The following PIGN variants were observed in gnomAD, a reference collection of about 807,000 sequenced individuals.
PIGN encodes GPI ethanolamine phosphate transferase 1.
A neutral mutation model predicts 125.4 loss-of-function variants in PIGN; 117 were observed. The ratio of observed to expected loss-of-function variants is 0.93; its 90% confidence interval spans 0.80 to 1.09. PIGN has a LOEUF of 1.09. Among genes scored for constraint, PIGN ranks in the 50% least tolerant of loss-of-function variants. PIGN has a pLI of 0.00. For missense variants in PIGN, 1,075 were observed against 1,094.9 expected (o/e 0.98, Z 0.26); for synonymous variants, 392 against 377.8 (o/e 1.04, Z -0.44).
In PIGN at chr18:62,057,347, C is replaced by T. The variant is rs117370156; in HGVS notation, c.2673-11368G>A. 9.8e-5 allele frequency among the ~76,000 whole-genome samples: 15 copies of T among 152,322 alleles called. No homozygotes were observed. The East Asian group carries it at 2.1e-3, about 22-fold the overall frequency. ...AGATTTCTGCAATGGCTTTCCTAGTCACTCAGTTACTCAAGATTAAAAAAC... is the reference window on the plus strand; with the variant it reads ...AGATTTCTGCAATGGCTTTCCTAGTTACTCAGTTACTCAAGATTAAAAAAC... On this transcript the variant is annotated intron_variant, in intron 30 of 30. Transcript: ENST00000640252.
At chr18:62,126,178 A>G (rs2146895575) in intron 14 of PIGN, among the ~76,000 whole-genome samples, 1 of 152,204 alleles carries the variant, frequency 6.6e-6, no homozygotes, top group East Asian at 1.9e-4. Context: ...TATTATATAT[A>G]TCACAAAATA....
intron 14 of PIGN, among the ~76,000 whole-genome samples, chr18:62,119,928 A>G (rs537481774): frequency 2.0e-5 from 3 of 152,204 alleles, no homozygotes; most frequent in Non-Finnish European, 4.4e-5. Flanking sequence ...AAGACAGAAA[A>G]ATACTAAAAA....
intron 22 of PIGN, among the ~76,000 whole-genome samples, chr18:62,099,197 A>G (rs1367665084): frequency 6.6e-6 from 1 of 152,052 alleles, no homozygotes; most frequent in Non-Finnish European, 1.5e-5. Flanking sequence ...AGAATACAGG[A>G]ACTAATCTTA....
chr18:62,130,067 G>A (rs1243637503), intron 14 of PIGN, among the ~76,000 whole-genome samples: 12 of 152,116 alleles, frequency 7.9e-5, no homozygotes, highest in African/African-American at 2.4e-4. Context: ...CAAGGAAACC[G>A]AGGATTGCTT....
chr18:62,060,322 G>GA (rs1184312369), intron 30 of PIGN, among the ~76,000 whole-genome samples: 1 of 152,214 alleles, frequency 6.6e-6, no homozygotes, highest in Non-Finnish European at 1.5e-5. Flanking sequence ...TCGAGGGGAA[G>GA]AGCGTATGTG....
intron 1 of PIGN, among the ~76,000 whole-genome samples, chr18:62,167,008 G>A (rs776771127): frequency 6.6e-6 from 1 of 152,180 alleles, no homozygotes; most frequent in Non-Finnish European, 1.5e-5. Flanking sequence ...CATGGCACAT[G>A]TATACCTACG....
intron 14 of PIGN, among the ~76,000 whole-genome samples, chr18:62,127,946 T>G (rs570004830): frequency 6.6e-6 from 1 of 152,190 alleles, no homozygotes; most frequent in East Asian, 1.9e-4. Flanking sequence ...CATGGTGCTA[T>G]TTTCCCAACA....
intron 1 of PIGN, among the ~76,000 whole-genome samples, chr18:62,185,307 AT>A (rs1175654722): frequency 1.3e-5 from 2 of 152,004 alleles, no homozygotes; most frequent in African/African-American, 4.8e-5. Flanking sequence ...ATTTGGGGGG[AT>A]TTTTTTCCCC....
At chr18:62,153,424 C>T (rs2036608834) in intron 7 of PIGN, 1 of 152,078 alleles carries the variant, frequency 6.6e-6, no homozygotes, top group African/African-American at 2.4e-5. Context: ...GGAAGAAAGA[C>T]ATGAAAATCA....
chr18:62,179,789 C>CA (rs1255149150), intron 1 of PIGN, among the ~76,000 whole-genome samples: 1 of 152,056 alleles, frequency 6.6e-6, no homozygotes, highest in African/African-American at 2.4e-5. Context: ...ATCTGTCATT[C>CA]TACAAGATTA....
chr18:62,159,041 C>T (rs1336993755), intron 4 of PIGN, among the ~76,000 whole-genome samples: 1 of 152,110 alleles, frequency 6.6e-6, no homozygotes, highest in African/African-American at 2.4e-5. Context: ...GTCAGGAGTT[C>T]GAAACCAGCC....
intron 28 of PIGN, among the ~76,000 whole-genome samples, chr18:62,076,596 A>AT (rs1350383906): frequency 2.0e-5 from 3 of 151,926 alleles, no homozygotes; most frequent in African/African-American, 4.8e-5. Context: ...GATTTGCTCT[A>AT]TTTTTTTCCT....
intron 30 of PIGN, chr18:62,072,188 G>A (rs2032918754): frequency 6.6e-6 from 1 of 151,250 alleles, no homozygotes; most frequent in Non-Finnish European, 1.5e-5. Flanking sequence ...AGAGAATAGG[G>A]ATATAAAGAA....
intron 1 of PIGN, among the ~76,000 whole-genome samples, chr18:62,177,975 C>T (rs947471310): frequency 1.3e-5 from 2 of 151,998 alleles, no homozygotes; most frequent in African/African-American, 2.4e-5. Context: ...AAGGTAGAAG[C>T]GTAGGCACCT....
chr18:62,083,958 G>A (rs1568155761), intron 27 of PIGN, among the ~76,000 whole-genome samples: 1 of 152,058 alleles, frequency 6.6e-6, no homozygotes, highest in East Asian at 1.9e-4. Context: ...TAAGTAAAAT[G>A]TGTCAGGCAT....
downstream of PIGN, among the ~76,000 whole-genome samples, chr18:62,036,499 A>T (rs2030262954): frequency 6.6e-6 from 1 of 152,096 alleles, no homozygotes; most frequent in Non-Finnish European, 1.5e-5. Flanking sequence ...CACAAGTAAA[A>T]CACATGTGAA....
intron 7 of PIGN, chr18:62,154,144 T>G (rs1030986875): frequency 4.9e-6 from 1 of 202,876 alleles, no homozygotes; most frequent in Non-Finnish European, 9.8e-6. Context: ...TAAAGTATTT[T>G]TTAAAAAATC....
downstream of PIGN, among the ~76,000 whole-genome samples, chr18:62,036,575 T>C (rs1445883967): frequency 2.6e-5 from 4 of 152,182 alleles, no homozygotes; most frequent in Non-Finnish European, 4.4e-5. Context: ...ACAAATTGTT[T>C]ATGGAGCAAG....
intron 23 of PIGN, among the ~76,000 whole-genome samples, chr18:62,024,763 G>C (rs1457766116): frequency 6.6e-6 from 1 of 152,190 alleles, no homozygotes; most frequent in Non-Finnish European, 1.5e-5. Context: ...AGAAGTGGGA[G>C]GATCACTTGA....
Sources: allele counts gnomAD v4.1 joint callset (sites outside exome capture counted in the v4.1 genomes callset), GRCh38; gene constraint gnomAD v4.1.1; transcripts MANE v1.5; gene names NCBI Gene and HGNC (gene_info 2026-07-23, HGNC 2026-07-21).